The following UNC5D variants were observed in gnomAD, a reference collection of about 807,000 sequenced individuals.
The protein encoded by UNC5D is netrin receptor UNC5D.
A neutral mutation model predicts 105.4 loss-of-function variants in UNC5D; 39 were observed. The ratio of observed to expected loss-of-function variants is 0.37; its 90% CI spans 0.29 to 0.48. UNC5D has a LOEUF of 0.48. Ranked by LOEUF, UNC5D falls within the 20% of genes least tolerant of loss-of-function variation. The pLI is 0.98. For missense variants in UNC5D, 991 were observed against 1,202.4 expected (o/e 0.82, Z 2.60); for synonymous variants, 452 against 450.4 (o/e 1.00, Z -0.04).
intron 1 of UNC5D, among the ~76,000 whole-genome samples, chr8:35,269,761 T>A (rs1805147156): frequency 1.3e-5 from 2 of 152,166 alleles, no homozygotes; most frequent in Admixed American, 1.3e-4. Context: ...TTTCATTTCA[T>A]CTGAACAATG....
intron 13 of UNC5D, among the ~76,000 whole-genome samples, chr8:35,758,688 G>A (rs1387596873): frequency 2.0e-5 from 3 of 152,200 alleles, no homozygotes; most frequent in African/African-American, 7.2e-5. Flanking sequence ...TTCAGTGAAA[G>A]CTACAGGAGT....
chr8:35,645,499 AT>A (rs1822990329), intron 4 of UNC5D, among the ~76,000 whole-genome samples: 1 of 150,554 alleles, frequency 6.6e-6, no homozygotes, highest in Non-Finnish European at 1.5e-5. Flanking sequence ...CACTTGCAAC[AT>A]TTTTCTATCG....
chr8:35,483,674 C>G (rs1468386645), intron 1 of UNC5D, among the ~76,000 whole-genome samples: 1 of 152,134 alleles, frequency 6.6e-6, no homozygotes, highest in Non-Finnish European at 1.5e-5. Context: ...TTGTATCTCT[C>G]AATTTATTAT....
chr8:35,600,344 T>A (rs1444057991), intron 4 of UNC5D, among the ~76,000 whole-genome samples: 1 of 152,200 alleles, frequency 6.6e-6, no homozygotes, highest in African/African-American at 2.4e-5. Context: ...GTTGAAATGG[T>A]ATTTCTAGTT....
At chr8:35,639,859 C>T (rs1322809177) in intron 4 of UNC5D, among the ~76,000 whole-genome samples, 7 of 151,854 alleles carry the variant, frequency 4.6e-5, no homozygotes, top group Admixed American at 4.6e-4. Flanking sequence ...ATCCTTCCAC[C>T]TATAGGCATG....
chr8:35,775,318 C>T (rs1802195797), intron 16 of UNC5D, among the ~76,000 whole-genome samples: 1 of 152,192 alleles, frequency 6.6e-6, no homozygotes. Context: ...AATGAACATG[C>T]TGCTAAAACT....
chr8:35,369,891 A>G (rs756045722), intron 1 of UNC5D, among the ~76,000 whole-genome samples: 1 of 152,202 alleles, frequency 6.6e-6, no homozygotes, highest in Non-Finnish European at 1.5e-5. Context: ...GCAATGGAGA[A>G]TTAAACCCAC....
intron 4 of UNC5D, among the ~76,000 whole-genome samples, chr8:35,678,896 ATT>A (rs1304031260): frequency 6.6e-6 from 1 of 151,566 alleles, no homozygotes; most frequent in African/African-American, 2.4e-5. Flanking sequence ...CACCCTTAAT[ATT>A]TTCTTTTGGT....
At position 35,460,111 on chromosome 8, in the gene UNC5D, G is replaced by A. The variant is rs189505158; in HGVS notation, c.104-89181G>A. 5.9e-4 allele frequency among the ~76,000 whole-genome samples: 90 copies of A among 152,216 alleles called. 1 individual carries two copies. Among genetic ancestry groups the A allele is most frequent in the African/African-American group, 1.9e-3 (78 of 41,550 alleles). ...AAACAATAAGCTTACTTTTACATAC[G>A]CAAACTCCAAATGTACCAACTTGAA... On this transcript the variant is annotated intron_variant, in intron 1 of 16. Transcript: ENST00000404895.
At chr8:35,445,732 C>G (rs764490777) in intron 1 of UNC5D, among the ~76,000 whole-genome samples, 3 of 152,042 alleles carry the variant, frequency 2.0e-5, no homozygotes, top group Admixed American at 1.3e-4. Context: ...ATCAGAAACT[C>G]TTCGGGAGGA....
intron 1 of UNC5D, among the ~76,000 whole-genome samples, chr8:35,277,617 G>A (rs1177554228): frequency 2.0e-5 from 3 of 151,886 alleles, no homozygotes; most frequent in Non-Finnish European, 2.9e-5. Flanking sequence ...TGCCGCTCAC[G>A]GCCCTCATTG....
intron 1 of UNC5D, among the ~76,000 whole-genome samples, chr8:35,534,595 A>G (rs1366295110): frequency 6.6e-6 from 1 of 151,652 alleles, no homozygotes; most frequent in Admixed American, 6.6e-5. Flanking sequence ...TCAATTCAAA[A>G]TAGCTCTGTT....
At chr8:35,636,414 T>G (rs1291140353) in intron 4 of UNC5D, among the ~76,000 whole-genome samples, 1 of 152,188 alleles carries the variant, frequency 6.6e-6, no homozygotes, top group Non-Finnish European at 1.5e-5. Context: ...TTATGGGTGT[T>G]TGGCAGCATC....
intron 1 of UNC5D, among the ~76,000 whole-genome samples, chr8:35,455,678 A>AC (rs763989562): frequency 1.4e-4 from 22 of 151,822 alleles, no homozygotes; most frequent in Non-Finnish European, 2.5e-4. Flanking sequence ...AAAAAAAAAA[A>AC]CAAAAAAAAA....
chr8:35,607,749 C>G (rs1820400659), intron 4 of UNC5D, among the ~76,000 whole-genome samples: 1 of 151,968 alleles, frequency 6.6e-6, no homozygotes, highest in Admixed American at 6.5e-5. Flanking sequence ...CTCCTTCCTG[C>G]TGTCTTGTGA....
chr8:35,464,850 G>A (rs1442968149), intron 1 of UNC5D, among the ~76,000 whole-genome samples: 2 of 152,146 alleles, frequency 1.3e-5, no homozygotes, highest in African/African-American at 4.8e-5. Flanking sequence ...TGAAATATGA[G>A]TGATTTTGAA....
chr8:35,571,020 T>C (rs960973455), intron 3 of UNC5D, among the ~76,000 whole-genome samples: 1 of 151,942 alleles, frequency 6.6e-6, no homozygotes, highest in African/African-American at 2.4e-5. Flanking sequence ...AAAATATATA[T>C]ATACACATAG....
At chr8:35,429,817 T>C (rs1476293132) in intron 1 of UNC5D, among the ~76,000 whole-genome samples, 1 of 151,968 alleles carries the variant, frequency 6.6e-6, no homozygotes, top group African/African-American at 2.4e-5. Context: ...ACCAATGATC[T>C]TTTTTTTGTT....
intron 7 of UNC5D, among the ~76,000 whole-genome samples, chr8:35,693,878 A>G (rs902774260): frequency 2.0e-5 from 3 of 152,150 alleles, no homozygotes; most frequent in African/African-American, 7.2e-5. Flanking sequence ...AACTTTGTTC[A>G]TTTTATGAGA....
Sources: gnomAD v4.1 joint callset for allele counts (sites outside exome capture counted in the v4.1 genomes callset) on GRCh38, gnomAD v4.1.1 for gene constraint, MANE v1.5 for transcripts, NCBI Gene and HGNC (gene_info 2026-07-23, HGNC 2026-07-21) for gene names.